Variants in RCOR1 observed in about 807,000 individuals in gnomAD.
RCOR1 encodes REST corepressor 1.
Under a neutral mutation model 64.0 loss-of-function variants are expected in RCOR1, and 12 were observed. The observed-to-expected ratio is 0.19, with a 90% CI of 0.12 to 0.30. The LOEUF is 0.30. Ranked by LOEUF, RCOR1 falls within the 10% of genes least tolerant of loss-of-function variation. The pLI, the probability that RCOR1 is intolerant of heterozygous loss-of-function variation, is 1.00. For synonymous variants in RCOR1, 279 were observed against 227.2 expected (o/e 1.23, Z -2.05); for missense variants, 502 against 621.2 (o/e 0.81, Z 2.04).
intron 5 of RCOR1, among the ~76,000 whole-genome samples, chr14:102,707,841 T>G (rs1023459429): frequency 1.3e-5 from 2 of 148,460 alleles, no homozygotes; most frequent in Non-Finnish European, 3.0e-5. Flanking sequence ...CAGGCTGGAG[T>G]GCAGTGGCAT....
At chr14:102,707,090 C>T (rs542467679) in intron 4 of RCOR1, among the ~76,000 whole-genome samples, 88 of 152,006 alleles carry the variant, frequency 5.8e-4, no homozygotes, top group Admixed American at 5.8e-3. Flanking sequence ...TAAATTGCTT[C>T]ACTCTTTCTT....
chr14:102,660,322 A>G (rs535720094), intron 2 of RCOR1, among the ~76,000 whole-genome samples: 11 of 151,768 alleles, frequency 7.2e-5, no homozygotes, highest in Admixed American at 6.6e-4. Flanking sequence ...AAATTTGAAG[A>G]TATTTTGCAT....
intron 2 of RCOR1, among the ~76,000 whole-genome samples, chr14:102,603,155 C>G (rs1016123914): frequency 3.3e-5 from 5 of 151,738 alleles, no homozygotes; most frequent in African/African-American, 1.2e-4. Flanking sequence ...TCATAGCGTA[C>G]TGTAGCCTTG....
At chr14:102,627,960 G>GGT (rs3069199) in intron 2 of RCOR1, among the ~76,000 whole-genome samples, 102,626 of 148,974 alleles carry the variant, frequency 0.69, 37,170 homozygotes, top group Middle Eastern at 0.88. Context: ...ATTTAAAAGG[G>GGT]GTGTGTGTGT....
Position 102,711,001 on chromosome 14 carries a change from A to T in RCOR1, c.846A>T (p.Glu282Asp). ...PIDIEVDQNKESKKEVPPTET... is the reference protein window; with the variant it reads ...PIDIEVDQNKDSKKEVPPTET... ...ACATTGAGGTTGATCAAAACAAGGAAAGCAAAAAGGAGGTATTTTTTCCCC... is the reference window on the plus strand; with the variant it reads ...ACATTGAGGTTGATCAAAACAAGGATAGCAAAAAGGAGGTATTTTTTCCCC... Residue 282 changes from glutamate to aspartate, a missense_variant, in exon 7 of 12, where the codon GAA (glutamate) becomes GAT (aspartate). Glu to Asp is a conservative substitution (Grantham distance 45, BLOSUM62 2). Coordinates refer to ENST00000262241, the MANE Select transcript of RCOR1 (RefSeq NM_015156.4). The T allele has an allele frequency of 6.2e-7, 1 of 1,604,260 alleles. No homozygotes were observed. Among genetic ancestry groups the T allele is most frequent in the Non-Finnish European group, 8.5e-7 (1 of 1,177,026 alleles).
In RCOR1 at chr14:102,592,954, C is replaced by T. The variant is rs753582127; in HGVS notation, c.68C>T (p.Ala23Val). The change falls in exon 1 of 12, where the codon GCC (alanine) becomes GTC (valine). Residue 23 changes from alanine (A) to valine (V), a missense_variant. Physicochemically the swap from Ala to Val is moderately conservative, Grantham distance 64. Coordinates refer to ENST00000262241, the MANE Select transcript of RCOR1 (RefSeq NM_015156.4). ...CGGAGAGGGAGGAACAACGCGGCCG[C>T]CTCCGCCTCCGCCGCCGCCGCCTCC... ...GKRRGRNNAA[A>V]SASAAAASAA... is the part of the protein sequence containing the mutation. The T allele has an allele frequency of 1.2e-4, 144 of 1,179,020 alleles. 2 individuals carry two copies. Among genetic ancestry groups the T allele is most frequent in the Admixed American group, 2.1e-4 (5 of 23,924 alleles). The allele number at this position is 1,179,020 out of a possible 1,614,324, so 73.0% of individuals were successfully genotyped here.
intron 2 of RCOR1, among the ~76,000 whole-genome samples, chr14:102,654,909 A>G (rs1470610691): frequency 1.3e-5 from 2 of 150,872 alleles, no homozygotes; most frequent in Non-Finnish European, 3.0e-5. Flanking sequence ...CCTGGGCTTA[A>G]AGGATCCTCC....
At chr14:102,594,231 C>T (rs79574157) in intron 2 of RCOR1, among the ~76,000 whole-genome samples, 3,916 of 152,216 alleles carry the variant, frequency 0.026, 61 homozygotes, top group Middle Eastern at 0.058. Context: ...TTTGAAAGAA[C>T]GTAGGATTTA....
intron 2 of RCOR1, among the ~76,000 whole-genome samples, chr14:102,596,721 C>A (rs536530835): frequency 6.6e-6 from 1 of 150,856 alleles, no homozygotes; most frequent in African/African-American, 2.4e-5. Context: ...CCCACCACCA[C>A]GCCCAACTAA....
intron 3 of RCOR1, among the ~76,000 whole-genome samples, chr14:102,689,766 C>T (rs1895495192): frequency 1.3e-5 from 2 of 152,096 alleles, no homozygotes; most frequent in African/African-American, 2.4e-5. Flanking sequence ...TTTTTTGAGA[C>T]AGAGTCTCGC....
intron 6 of RCOR1, 66 bp from the exon 7 acceptor site, chr14:102,710,869 A>ATT: frequency 1.8e-6 from 2 of 1,114,674 alleles, no homozygotes; most frequent in Non-Finnish European, 2.7e-6. Flanking sequence ...AGTTAAATCA[A>ATT]TTTATCGTTT....
intron 2 of RCOR1, among the ~76,000 whole-genome samples, chr14:102,679,016 C>T (rs764588253): frequency 1.1e-4 from 16 of 152,148 alleles, no homozygotes; most frequent in Non-Finnish European, 2.1e-4. Flanking sequence ...TTTATGTATT[C>T]TGGATAGAAG....
chr14:102,629,593 A>G (rs1894063692), intron 2 of RCOR1, among the ~76,000 whole-genome samples: 1 of 152,166 alleles, frequency 6.6e-6, no homozygotes, highest in African/African-American at 2.4e-5. Context: ...CAGGAGGTAT[A>G]CAAAGTATAG....
At chr14:102,719,236 TTTC>T (rs201715877) in intron 8 of RCOR1, among the ~76,000 whole-genome samples, 27 of 151,962 alleles carry the variant, frequency 1.8e-4, no homozygotes, top group East Asian at 7.7e-4. Context: ...AGCCTAGATA[TTTC>T]TTCTTCTTCT....
chr14:102,687,263 G>C (rs184292822), intron 3 of RCOR1, among the ~76,000 whole-genome samples: 2 of 152,296 alleles, frequency 1.3e-5, no homozygotes, highest in Non-Finnish European at 2.9e-5. Context: ...TTTAGAGGTA[G>C]AAACACTGGG....
intron 2 of RCOR1, among the ~76,000 whole-genome samples, chr14:102,598,345 G>C (rs1258724510): frequency 1.3e-5 from 2 of 152,138 alleles, no homozygotes; most frequent in East Asian, 3.9e-4. Flanking sequence ...AAGACTATCT[G>C]ATATTTCCTA....
intron 8 of RCOR1, 52 bp downstream of exon 8, chr14:102,714,669 G>A (rs768228727): frequency 7.9e-6 from 11 of 1,388,006 alleles, no homozygotes; most frequent in Non-Finnish European, 1.1e-5. Context: ...CACTTTAGAG[G>A]TGTTTCTGTT....
At chr14:102,660,603 C>T (rs1315439155) in intron 2 of RCOR1, among the ~76,000 whole-genome samples, 1 of 152,174 alleles carries the variant, frequency 6.6e-6, no homozygotes, top group Non-Finnish European at 1.5e-5. Context: ...CTCCTGGCTT[C>T]AAGTGGTTCT....
intron 6 of RCOR1, 89 bp from the exon 7 acceptor site, chr14:102,710,846 G>T: frequency 1.2e-6 from 1 of 852,908 alleles, no homozygotes; most frequent in South Asian, 1.6e-5. Flanking sequence ...GGTAAAATTA[G>T]TACAAAATTT....
Sources: gnomAD v4.1 joint callset for allele counts (sites outside exome capture counted in the v4.1 genomes callset) on GRCh38, gnomAD v4.1.1 for gene constraint, MANE v1.5 for transcripts, NCBI Gene and HGNC (gene_info 2026-07-23, HGNC 2026-07-21) for gene names.